The following COMMD10 variants were observed in gnomAD, a reference collection of about 807,000 sequenced individuals.
COMMD10 encodes COMM domain-containing protein 10.
Under a neutral mutation model 28.9 loss-of-function variants are expected in COMMD10, and 33 were observed. That is an observed-to-expected ratio of 1.14 (90% confidence interval 0.87 to 1.53). COMMD10 has a LOEUF of 1.53. Among genes scored for constraint, COMMD10 ranks in the 40% most tolerant of loss-of-function variants. The pLI, the probability that COMMD10 is intolerant of heterozygous loss-of-function variation, is 0.00. For synonymous variants in COMMD10, 110 were observed against 81.7 expected, an observed-to-expected ratio of 1.35 and a Z score of -1.87; for missense variants, 310 against 233.4, an observed-to-expected ratio of 1.33 and a Z score of -2.14.
At chr5:116,267,642 A>T (rs917293136) in intron 5 of COMMD10, among the ~76,000 whole-genome samples, 1 of 151,906 alleles carries the variant, frequency 6.6e-6, no homozygotes, top group African/African-American at 2.4e-5. Flanking sequence ...CATTGCCAAG[A>T]CAATCATAAG....
At chr5:116,103,635 C>G (rs915909548) in intron 4 of COMMD10, among the ~76,000 whole-genome samples, 4 of 152,144 alleles carry the variant, frequency 2.6e-5, no homozygotes, top group African/African-American at 9.7e-5. Context: ...ATGGTAGTTT[C>G]TTTTGCTGGG....
rs542587687 is a variant in COMMD10 at position 116,139,684 on chromosome 5, A to G, written c.510+5506A>G. On this transcript the variant is annotated intron_variant, in intron 5 of 6. Transcript: ENST00000274458. The stretch of plus-strand genomic sequence containing the variant: ...TTCTCACCCTTAATTACACATACAA[A>G]TGAGATAATTCAACTGATAGGACAT... 2.6e-5 allele frequency among the ~76,000 whole-genome samples: 4 copies of G among 151,754 alleles called. No homozygotes were observed. The South Asian group carries it at 8.3e-4, about 32-fold the overall frequency.
intron 5 of COMMD10, among the ~76,000 whole-genome samples, chr5:116,183,058 C>T (rs570155708): frequency 3.3e-5 from 5 of 152,128 alleles, no homozygotes; most frequent in Admixed American, 1.3e-4. Flanking sequence ...TCAGTGAAAC[C>T]GCTTTTCTTT....
chr5:116,245,983 A>G (rs1188010889), intron 5 of COMMD10, among the ~76,000 whole-genome samples: 1 of 152,214 alleles, frequency 6.6e-6, no homozygotes, highest in East Asian at 1.9e-4. Flanking sequence ...AGTACTGGCC[A>G]GGGCAAATAG....
At chr5:116,149,969 C>G (rs1451456159) in intron 5 of COMMD10, among the ~76,000 whole-genome samples, 1 of 152,094 alleles carries the variant, frequency 6.6e-6, no homozygotes, top group Non-Finnish European at 1.5e-5. Flanking sequence ...AGGTTTTCTT[C>G]TAAGGTTTTT....
chr5:116,117,938 C>A (rs1234468526), intron 4 of COMMD10, among the ~76,000 whole-genome samples: 1 of 152,096 alleles, frequency 6.6e-6, no homozygotes, highest in African/African-American at 2.4e-5. Flanking sequence ...TTTTATCCAC[C>A]CCACTCCATT....
chr5:116,270,663 A>G (rs900153671), intron 5 of COMMD10, among the ~76,000 whole-genome samples: 1 of 151,758 alleles, frequency 6.6e-6, no homozygotes, highest in Non-Finnish European at 1.5e-5. Context: ...TAGGACGGAC[A>G]CGGTGGCTCA....
intron 4 of COMMD10, among the ~76,000 whole-genome samples, chr5:116,112,979 C>T (rs1751105825): frequency 6.6e-6 from 1 of 152,130 alleles, no homozygotes; most frequent in Non-Finnish European, 1.5e-5. Context: ...AAGTTTAGGA[C>T]TTCTTTGAGC....
intron 4 of COMMD10, among the ~76,000 whole-genome samples, chr5:116,112,244 A>G (rs1414500966): frequency 1.3e-5 from 2 of 152,014 alleles, no homozygotes. Flanking sequence ...TTTTATTTTA[A>G]AGTATGCTTT....
chr5:116,224,580 T>G (rs560416121), intron 5 of COMMD10, among the ~76,000 whole-genome samples: 10 of 152,262 alleles, frequency 6.6e-5, no homozygotes, highest in Non-Finnish European at 1.5e-4. Context: ...GGTGCCGCAC[T>G]CTTTTAAACA....
chr5:116,213,858 A>G (rs759351800), intron 5 of COMMD10, among the ~76,000 whole-genome samples: 1 of 152,118 alleles, frequency 6.6e-6, no homozygotes, highest in African/African-American at 2.4e-5. Flanking sequence ...AATTTTACTT[A>G]TATACCCAAA....
At chr5:116,231,480 G>C (rs143902986) in intron 5 of COMMD10, among the ~76,000 whole-genome samples, 3 of 152,064 alleles carry the variant, frequency 2.0e-5, no homozygotes, top group Admixed American at 1.3e-4. Context: ...TCAGCGAGTC[G>C]TGGTTATATG....
Position 116,268,703 on chromosome 5 carries a change from C to T in COMMD10, c.511-22814C>T, listed in dbSNP as rs747450731. Among the ~76,000 whole-genome samples, 12 of 151,902 alleles carry T rather than the reference C, an allele frequency of 7.9e-5. No homozygotes were observed. The South Asian group carries it at 8.3e-4, about 11-fold the overall frequency. Reference sequence around the variant, plus strand: ...CAAAGACTTGGAACCAACCCAAATGCCCATCAGTGATAGACTGGATTAAGA... The same window carrying T: ...CAAAGACTTGGAACCAACCCAAATGTCCATCAGTGATAGACTGGATTAAGA... On this transcript the variant is annotated intron_variant, in intron 5 of 6. Transcript: ENST00000274458.
intron 5 of COMMD10, among the ~76,000 whole-genome samples, chr5:116,176,620 T>A (rs917585063): frequency 5.9e-5 from 9 of 152,158 alleles, no homozygotes; most frequent in African/African-American, 2.2e-4. Flanking sequence ...TTTTAAAGTC[T>A]TAAATTCTGT....
At chr5:116,164,078 A>G (rs1753012789) in intron 5 of COMMD10, among the ~76,000 whole-genome samples, 1 of 152,136 alleles carries the variant, frequency 6.6e-6, no homozygotes, top group Admixed American at 6.5e-5. Context: ...GCATTTTGGG[A>G]AGCTAAGGAG....
intron 4 of COMMD10, among the ~76,000 whole-genome samples, chr5:116,094,888 G>A (rs564176685): frequency 6.6e-6 from 1 of 152,216 alleles, no homozygotes; most frequent in East Asian, 1.9e-4. Context: ...AGAACTAGAG[G>A]TCTTTATGTT....
At chr5:116,101,813 G>A (rs944977539) in intron 4 of COMMD10, among the ~76,000 whole-genome samples, 2 of 152,160 alleles carry the variant, frequency 1.3e-5, no homozygotes, top group Non-Finnish European at 2.9e-5. Context: ...GTGATGTTGA[G>A]CATTTTTAAA....
chr5:116,277,513 C>A (rs1198771859), intron 5 of COMMD10, among the ~76,000 whole-genome samples: 1 of 151,848 alleles, frequency 6.6e-6, no homozygotes, highest in Non-Finnish European at 1.5e-5. Context: ...ACCTGCCTGT[C>A]TTTAGGAATT....
intron 5 of COMMD10, among the ~76,000 whole-genome samples, chr5:116,244,771 C>T (rs923431481): frequency 6.7e-6 from 1 of 150,374 alleles, no homozygotes; most frequent in Non-Finnish European, 1.5e-5. Context: ...CAAGAAGTTA[C>T]TTGAAACTGC....
Sources: gnomAD v4.1 joint callset for allele counts (sites outside exome capture counted in the v4.1 genomes callset) on GRCh38, gnomAD v4.1.1 for gene constraint, MANE v1.5 for transcripts, NCBI Gene and HGNC (gene_info 2026-07-23, HGNC 2026-07-21) for gene names.